EIF4G3: variants seen among roughly 807,000 people sequenced by gnomAD.
The protein encoded by EIF4G3 is eIF-4-gamma 3.
EIF4G3 carries 34 observed loss-of-function variants against 186.4 expected under a neutral mutation model. That is an observed-to-expected ratio of 0.18 (90% CI 0.14 to 0.24). The LOEUF is 0.24. Among genes scored for constraint, EIF4G3 ranks in the 10% least tolerant of loss-of-function variants. The probability of loss-of-function intolerance (pLI) is 1.00; values close to 1 mark genes in which losing one functional copy is unlikely to be tolerated. For synonymous variants in EIF4G3, 673 were observed against 679.5 expected, an observed-to-expected ratio of 0.99 and a Z score of 0.15; for missense variants, 1,536 against 1,948.5, an observed-to-expected ratio of 0.79 and a Z score of 3.99.
rs183757195 is a variant in EIF4G3 at position 21,013,398 on chromosome 1, C to T, written c.-66-10590G>A. 4.0e-4 allele frequency among the ~76,000 whole-genome samples: 61 copies of T among 152,310 alleles called. 2 individuals are homozygous for T. The highest frequency in any genetic ancestry group is 3.3e-3 in the Admixed American group (50 of 15,300). ...TTAGAGGTTGCCCTTGCTCCAATCCCTCCTCATTGAGGCCAAGTTGGGAGG... is the reference window on the plus strand; with the variant it reads ...TTAGAGGTTGCCCTTGCTCCAATCCTTCCTCATTGAGGCCAAGTTGGGAGG... On this transcript the variant is annotated intron_variant, in intron 4 of 36. Transcript: ENST00000602326.
chr1:20,929,181 C>A (rs1174045540), intron 14 of EIF4G3, among the ~76,000 whole-genome samples: 1 of 152,140 alleles, frequency 6.6e-6, no homozygotes, highest in African/African-American at 2.4e-5. Flanking sequence ...ATTTTCCCCC[C>A]CATTCTTCTG....
At chr1:21,035,219 T>C (rs1231334334) in intron 4 of EIF4G3, among the ~76,000 whole-genome samples, 2 of 152,198 alleles carry the variant, frequency 1.3e-5, no homozygotes, top group Non-Finnish European at 2.9e-5. Context: ...GGTTCATTTG[T>C]GCAGGGCTGG....
At chr1:21,026,936 C>CAAAAAA (rs146144076) in intron 4 of EIF4G3, among the ~76,000 whole-genome samples, 1 of 88,240 alleles carries the variant, frequency 1.1e-5, no homozygotes, top group African/African-American at 4.4e-5. Flanking sequence ...GACACTGTCT[C>CAAAAAA]AAAAAAAAAA....
At chr1:20,871,999 T>C (rs527674127) in intron 20 of EIF4G3, among the ~76,000 whole-genome samples, 2 of 152,258 alleles carry the variant, frequency 1.3e-5, no homozygotes, top group South Asian at 4.1e-4. Flanking sequence ...AATTCATTTC[T>C]TTTCCAACAG....
chr1:20,867,566 T>C (rs1282961394), intron 20 of EIF4G3, among the ~76,000 whole-genome samples: 1 of 152,076 alleles, frequency 6.6e-6, no homozygotes, highest in Non-Finnish European at 1.5e-5. Flanking sequence ...ATTGGGAGGA[T>C]CAAATGAGGT....
intron 20 of EIF4G3, among the ~76,000 whole-genome samples, chr1:20,865,657 T>G (rs2077400631): frequency 6.6e-6 from 1 of 152,044 alleles, no homozygotes; most frequent in African/African-American, 2.4e-5. Context: ...AAAAATGACA[T>G]AAGACAAGGG....
chr1:20,838,803 A>G (rs937723507), intron 30 of EIF4G3, among the ~76,000 whole-genome samples: 1 of 151,988 alleles, frequency 6.6e-6, no homozygotes, highest in Non-Finnish European at 1.5e-5. Flanking sequence ...CAACCTCCCA[A>G]GTAGCTGGGA....
At chr1:20,820,662 C>T (rs1363335760) in intron 33 of EIF4G3, among the ~76,000 whole-genome samples, 1 of 152,160 alleles carries the variant, frequency 6.6e-6, no homozygotes, top group Non-Finnish European at 1.5e-5. Flanking sequence ...AATTGGCATG[C>T]ATTTCTTCCC....
At chr1:20,955,933 C>G (rs1188284495) in intron 12 of EIF4G3, among the ~76,000 whole-genome samples, 1 of 152,060 alleles carries the variant, frequency 6.6e-6, no homozygotes, top group Non-Finnish European at 1.5e-5. Context: ...GTACAGAGAT[C>G]AAGTCAAAAA....
At chr1:21,049,183 C>T (rs545419883) in intron 4 of EIF4G3, among the ~76,000 whole-genome samples, 1 of 152,280 alleles carries the variant, frequency 6.6e-6, no homozygotes, top group Non-Finnish European at 1.5e-5. Context: ...TTCCCCAATA[C>T]TTCATAGGGC....
At chr1:20,860,234 T>C (rs1262189539) in intron 24 of EIF4G3, 151 bp downstream of exon 24, 16 of 1,025,104 alleles carry the variant, frequency 1.6e-5, no homozygotes, top group East Asian at 7.3e-5. Context: ...TCAGTAACTT[T>C]ACTCTTCAGG....
At chr1:21,163,994 G>A (rs1009742850) in intron 2 of EIF4G3, among the ~76,000 whole-genome samples, 2 of 151,942 alleles carry the variant, frequency 1.3e-5, no homozygotes, top group Admixed American at 6.6e-5. Flanking sequence ...GGCTGGTCTC[G>A]TACTCCTGAC....
intron 3 of EIF4G3, among the ~76,000 whole-genome samples, chr1:21,055,607 T>G (rs927589835): frequency 1.3e-5 from 2 of 152,114 alleles, no homozygotes; most frequent in Admixed American, 6.6e-5. Context: ...TGTCACCAAG[T>G]GCTTCAAAAC....
At chr1:21,128,221 A>T (rs1427238245) in intron 2 of EIF4G3, among the ~76,000 whole-genome samples, 2 of 146,800 alleles carry the variant, frequency 1.4e-5, no homozygotes, top group African/African-American at 5.1e-5. Flanking sequence ...AAAAAAAAAA[A>T]GTTTCGGCTG....
intron 14 of EIF4G3, among the ~76,000 whole-genome samples, chr1:20,915,039 T>C (rs1318329229): frequency 6.6e-6 from 1 of 152,230 alleles, no homozygotes; most frequent in African/African-American, 2.4e-5. Flanking sequence ...TTTTTGAATA[T>C]GTGAAATACA....
At chr1:21,001,694 C>G (rs2083537629) in intron 5 of EIF4G3, among the ~76,000 whole-genome samples, 2 of 151,920 alleles carry the variant, frequency 1.3e-5, no homozygotes, top group South Asian at 4.1e-4. Flanking sequence ...CTGGGGAGAA[C>G]CAGGATCTAA....
chr1:21,159,232 G>A (rs1382463414), intron 2 of EIF4G3, among the ~76,000 whole-genome samples: 1 of 150,882 alleles, frequency 6.6e-6, no homozygotes, highest in African/African-American at 2.4e-5. Context: ...CAGGAGTTTG[G>A]GATCAGACTG....
chr1:21,098,786 G>A (rs2101726058), intron 2 of EIF4G3, among the ~76,000 whole-genome samples: 1 of 152,040 alleles, frequency 6.6e-6, no homozygotes, highest in East Asian at 1.9e-4. Flanking sequence ...ACTGGTATGT[G>A]CCACCATGCC....
chr1:20,847,959 G>C (rs966361780), intron 29 of EIF4G3: 3 of 404,036 alleles, frequency 7.4e-6, no homozygotes, highest in Non-Finnish European at 1.5e-5. Flanking sequence ...AAGAAAACAA[G>C]TAATATTTTC....
Sources: gnomAD v4.1 joint callset for allele counts (sites outside exome capture counted in the v4.1 genomes callset) on GRCh38, gnomAD v4.1.1 for gene constraint, MANE v1.5 for transcripts, NCBI Gene and HGNC (gene_info 2026-07-23, HGNC 2026-07-21) for gene names.